Variants in PLBD1 observed in about 807,000 individuals in gnomAD.
PLBD1 encodes the protein phospholipase B domain containing 1.
In PLBD1, 60 loss-of-function variants were observed where a neutral mutation model predicts 63.0. The observed-to-expected ratio is 0.95, with a 90% CI of 0.77 to 1.18. The LOEUF (loss-of-function observed/expected upper bound fraction) is 1.18, where lower values mean the gene tolerates loss of function less well. Among genes scored for constraint, PLBD1 ranks in the 50% most tolerant of loss-of-function variants. PLBD1 has a pLI of 0.00. For missense variants in PLBD1, 598 were observed against 677.9 expected (o/e 0.88, Z 1.31); for synonymous variants, 262 against 248.0 (o/e 1.06, Z -0.53).
chr12:14,533,858 A>T (rs1945488293), intron 6 of PLBD1, among the ~76,000 whole-genome samples: 1 of 152,216 alleles, frequency 6.6e-6, no homozygotes, highest in Non-Finnish European at 1.5e-5. Context: ...AGAATTCCTG[A>T]TAGGGGCCGG....
rs1456163453 is a variant in PLBD1, at chr12:14,503,792, A to G, written c.1642T>C (p.Leu548=). The G allele has an allele frequency of 1.5e-5, 25 of 1,613,238 alleles. No homozygotes were observed. The highest frequency in any genetic ancestry group is 2.7e-5 in the African/African-American group (2 of 74,852). Residue 548 remains leucine, a synonymous_variant, in exon 11 of 11, where the codon TTG becomes CTG. Transcript: ENST00000240617. ...CTCCTTCATTTTATATCAAGTTTCA[A>G]AATTGGTTTCATGGTAATAAAATCA... ...NFDFITMKPI[L]KLDIK is the part of the protein sequence containing the mutation.
chr12:14,536,720 G>A lies in PLBD1; in HGVS notation c.559-10C>T. The A allele has an allele frequency of 6.2e-7, 1 of 1,613,230 alleles. No homozygotes were observed. The highest frequency in any genetic ancestry group is 8.5e-7 in the Non-Finnish European group (1 of 1,179,448). The stretch of plus-strand genomic sequence containing the variant: ...GGAACAGGGTCATTGGCTAGGAAAG[G>A]ACAAAGACTGCACTTAACATCGTTT... On this transcript the variant is annotated splice_polypyrimidine_tract_variant and intron_variant, in intron 4 of 10. Transcript: ENST00000240617.
chr12:14,525,249 T>G (rs988136549), intron 6 of PLBD1, among the ~76,000 whole-genome samples: 1 of 151,348 alleles, frequency 6.6e-6, no homozygotes, highest in Non-Finnish European at 1.5e-5. Context: ...GCAACAATAG[T>G]GAAACTTCAT....
chr12:14,544,024 C>T (rs1945596328), intron 2 of PLBD1, among the ~76,000 whole-genome samples: 1 of 152,204 alleles, frequency 6.6e-6, no homozygotes, highest in Non-Finnish European at 1.5e-5. Context: ...GACACTATTG[C>T]TGATGATCAG....
intron 1 of PLBD1, among the ~76,000 whole-genome samples, chr12:14,559,089 CAT>C (rs1189951993): frequency 2.0e-5 from 3 of 152,092 alleles, no homozygotes; most frequent in African/African-American, 7.2e-5. Flanking sequence ...TAGTTTAAGC[CAT>C]TATACTTTTC....
At chr12:14,536,865 G>A (rs1029733482) in intron 4 of PLBD1, among the ~76,000 whole-genome samples, 155 bp from the exon 5 acceptor site, 14 of 152,168 alleles carry the variant, frequency 9.2e-5, no homozygotes, top group African/African-American at 3.1e-4. Context: ...AACGCGGGTG[G>A]ATCTCCCGAG....
intron 10 of PLBD1, 51 bp downstream of exon 10, chr12:14,506,111 A>G: frequency 7.7e-7 from 1 of 1,305,604 alleles, no homozygotes; most frequent in Non-Finnish European, 1.1e-6. Flanking sequence ...TTGCCTTTGG[A>G]GAGGCCTGTG....
intron 4 of PLBD1, among the ~76,000 whole-genome samples, chr12:14,538,209 T>C (rs11513650): frequency 0.9 from 135,910 of 151,700 alleles, 62,222 homozygotes; most frequent in East Asian, 0.99. Flanking sequence ...TTATTTATTT[T>C]TGAGACAGAG....
intron 4 of PLBD1, among the ~76,000 whole-genome samples, chr12:14,540,047 T>C (rs1200060494): frequency 0.069 from 3,315 of 48,020 alleles, 236 homozygotes; most frequent in African/African-American, 0.13. Context: ...TATATATATA[T>C]ATATATACAC....
chr12:14,509,928 G>A (rs1327071030), intron 8 of PLBD1, among the ~76,000 whole-genome samples: 1 of 152,104 alleles, frequency 6.6e-6, no homozygotes. Flanking sequence ...AAATTGTAGA[G>A]TTCCACACTC....
chr12:14,554,878 A>C (rs146926454), intron 1 of PLBD1, among the ~76,000 whole-genome samples: 1 of 151,916 alleles, frequency 6.6e-6, no homozygotes, highest in African/African-American at 2.4e-5. Flanking sequence ...CCCACAGCAC[A>C]CTTAATAACA....
intron 6 of PLBD1, among the ~76,000 whole-genome samples, chr12:14,524,942 G>T (rs1023304027): frequency 2.6e-5 from 4 of 152,220 alleles, no homozygotes; most frequent in Non-Finnish European, 5.9e-5. Context: ...CAGTAAATTT[G>T]AGATGGCAGA....
Position 14,511,544 on chromosome 12 carries a change from T to C in PLBD1, c.1012A>G (p.Arg338Gly), listed in dbSNP as rs1020188784. ...TATTTTGAAAAGATGTCTGCCCACC[T>C]CTTGCCACTATCTGCCATCATATTG... ...VANMMADSGKRWADIFSKYNS... is the reference protein window; with the variant it reads ...VANMMADSGKGWADIFSKYNS... The change falls in exon 7 of 11, where the codon AGG becomes GGG. Residue 338 changes from arginine to glycine, a missense_variant. Transcript: ENST00000240617. 4.3e-6 allele frequency: 7 copies of C among 1,614,212 alleles called. No individual in the cohort carries two copies. Among genetic ancestry groups the C allele is most frequent in the Non-Finnish European group, 5.9e-6 (7 of 1,180,034 alleles).
chr12:14,546,111 C>A (rs1945614339), intron 2 of PLBD1, among the ~76,000 whole-genome samples: 1 of 152,134 alleles, frequency 6.6e-6, no homozygotes, highest in East Asian at 1.9e-4. Context: ...TGCTTGAGAT[C>A]AGGAGTTCAA....
chr12:14,517,447 C>T (rs7134891), intron 6 of PLBD1, among the ~76,000 whole-genome samples: 99,399 of 151,886 alleles, frequency 0.65, 32,968 homozygotes, highest in Admixed American at 0.74. Context: ...CACACCCAGC[C>T]GGCTCTTTCA....
chr12:14,559,207 C>T (rs1467870575), intron 1 of PLBD1, among the ~76,000 whole-genome samples: 1 of 152,188 alleles, frequency 6.6e-6, no homozygotes, highest in Non-Finnish European at 1.5e-5. Context: ...TAGTTTTATA[C>T]AAGCTCTGTG....
At position 14,511,245 on chromosome 12, in the gene PLBD1, A is replaced by G. The variant is rs2287540; in HGVS notation, c.1186+15T>C. On this transcript the variant is annotated intron_variant, in intron 8 of 10. Coordinates refer to ENST00000240617, the MANE Select transcript of PLBD1 (RefSeq NM_024829.6). ...TACTCATCAGGTTTTAAGACTTACGACATGAAGAAAGTACCTTTCCGTAGA... is the reference window on the plus strand; with the variant it reads ...TACTCATCAGGTTTTAAGACTTACGGCATGAAGAAAGTACCTTTCCGTAGA... 999 of 1,571,012 alleles carry G rather than the reference A, an allele frequency of 6.4e-4. 11 individuals are homozygous for G. The East Asian group carries it at 0.018, about 29-fold the overall frequency.
At chr12:14,532,514 C>T (rs1359671467) in intron 6 of PLBD1, among the ~76,000 whole-genome samples, 4 of 152,110 alleles carry the variant, frequency 2.6e-5, no homozygotes, top group African/African-American at 7.2e-5. Flanking sequence ...CCCAGGTCAT[C>T]GTGTGACCAC....
intron 2 of PLBD1, among the ~76,000 whole-genome samples, chr12:14,547,180 TTGTGTGTGTGTGTGTGTGTGTG>T (rs56182227): frequency 2.2e-5 from 3 of 138,142 alleles, no homozygotes; most frequent in Non-Finnish European, 4.6e-5. Flanking sequence ...GCACCTGGCT[TTGTGTGTGTGTGTGTGTGTGTG>T]TGTGTGTGTG....
Sources: allele counts gnomAD v4.1 joint callset (sites outside exome capture counted in the v4.1 genomes callset), GRCh38; gene constraint gnomAD v4.1.1; transcripts MANE v1.5; gene names NCBI Gene and HGNC (gene_info 2026-07-23, HGNC 2026-07-21).